Variants in RNF128 observed in about 807,000 individuals in gnomAD.
RNF128 encodes E3 ubiquitin-protein ligase RNF128.
Under a neutral mutation model 26.2 loss-of-function variants are expected in RNF128, and 13 were observed. That is an observed-to-expected ratio of 0.50 (90% CI 0.32 to 0.79). RNF128 has a LOEUF of 0.79. RNF128 is among the 30% of genes least tolerant of loss of function. RNF128 has a pLI of 0.03. For missense variants in RNF128, 315 were observed against 349.7 expected (o/e 0.90, Z 0.79); for synonymous variants, 149 against 142.5 (o/e 1.05, Z -0.32).
chrX:106,757,080 A>G (rs1397446646), intron 1 of RNF128, among the ~76,000 whole-genome samples: 5 of 69,105 alleles, frequency 7.2e-5, no homozygotes, highest in African/African-American at 2.4e-4. Flanking sequence ...AAAGTCAGGA[A>G]ACAACAGGTG....
intron 2 of RNF128, among the ~76,000 whole-genome samples, chrX:106,778,409 A>T (rs1930506632): frequency 8.9e-6 from 1 of 112,232 alleles, no homozygotes. Flanking sequence ...AACACAACAG[A>T]TGCAGTTGCT....
intron 2 of RNF128, among the ~76,000 whole-genome samples, chrX:106,777,273 A>T (rs926653644): frequency 4.5e-5 from 5 of 112,191 alleles, no homozygotes; most frequent in Non-Finnish European, 9.4e-5. Flanking sequence ...TTACTATATT[A>T]AATTGCTCTG....
At chrX:106,740,144 G>A (rs143862200) in intron 1 of RNF128, among the ~76,000 whole-genome samples, 16 of 112,116 alleles carry the variant, frequency 1.4e-4, no homozygotes, top group Non-Finnish European at 2.6e-4. Flanking sequence ...GAGAAGGGGA[G>A]TGTGTAAGCA....
intron 1 of RNF128, among the ~76,000 whole-genome samples, chrX:106,714,849 G>A (rs769452645): frequency 5.4e-5 from 6 of 111,204 alleles, no homozygotes; most frequent in Non-Finnish European, 1.1e-4. Flanking sequence ...ATAATTCTCG[G>A]GAGATTCATC....
intron 5 of RNF128, among the ~76,000 whole-genome samples, chrX:106,790,488 C>A (rs1930803003): frequency 9.0e-6 from 1 of 110,540 alleles, no homozygotes; most frequent in Non-Finnish European, 1.9e-5. Flanking sequence ...CAAATAGACT[C>A]ATTATTTGGT....
chrX:106,701,620 A>G (rs1928958833), intron 1 of RNF128, among the ~76,000 whole-genome samples: 1 of 111,450 alleles, frequency 9.0e-6, no homozygotes, highest in African/African-American at 3.3e-5. Flanking sequence ...ATTTTGGGTT[A>G]TTTTCCAAAT....
chrX:106,730,860 G>C (rs546321893), intron 1 of RNF128, among the ~76,000 whole-genome samples: 55 of 111,671 alleles, frequency 4.9e-4, no homozygotes, highest in African/African-American at 1.7e-3. Context: ...ATGATTTGGG[G>C]GTCTCCAATG....
At chrX:106,725,223 T>C (rs1307152579), upstream of RNF128, among the ~76,000 whole-genome samples, 1 of 111,759 alleles carries the variant, frequency 8.9e-6, no homozygotes, top group Non-Finnish European at 1.9e-5. Context: ...GGGGGTACCA[T>C]GCTATTGGTC....
intron 1 of RNF128, among the ~76,000 whole-genome samples, chrX:106,767,027 G>C (rs927140106): frequency 8.1e-5 from 9 of 111,350 alleles, no homozygotes; most frequent in Admixed American, 2.9e-4. Flanking sequence ...GATGGTTGTA[G>C]ATGTGTGGTA....
chrX:106,745,988 A>G (rs910437026), intron 1 of RNF128, among the ~76,000 whole-genome samples: 1 of 111,512 alleles, frequency 9.0e-6, no homozygotes, highest in Non-Finnish European at 1.9e-5. Context: ...CTGTGGACAA[A>G]ATGAATATTT....
At chrX:106,771,956 T>C (rs770264367) in intron 1 of RNF128, among the ~76,000 whole-genome samples, 7 of 112,352 alleles carry the variant, frequency 6.2e-5, no homozygotes, top group African/African-American at 2.3e-4. Flanking sequence ...GATTAGCACC[T>C]TAACTTAATA....
chrX:106,730,010 T>C (rs1166818517), intron 1 of RNF128, among the ~76,000 whole-genome samples: 2 of 111,962 alleles, frequency 1.8e-5, no homozygotes, highest in Non-Finnish European at 3.8e-5. Context: ...AAAAGCCTTC[T>C]GTATCTTCTT....
chrX:106,701,219 T>G (rs1439278720), intron 1 of RNF128, among the ~76,000 whole-genome samples: 1 of 111,585 alleles, frequency 9.0e-6, no homozygotes, highest in Non-Finnish European at 1.9e-5. Context: ...TCCAATGGTC[T>G]TATTCCATTG....
intron 1 of RNF128, among the ~76,000 whole-genome samples, chrX:106,739,033 A>G (rs191520124): frequency 9.5e-4 from 106 of 111,734 alleles, no homozygotes; most frequent in African/African-American, 3.3e-3. Flanking sequence ...TTGTCTTTCC[A>G]AATACTTAAC....
chrX:106,730,815 A>C (rs1400844385), intron 1 of RNF128, among the ~76,000 whole-genome samples: 1 of 108,299 alleles, frequency 9.2e-6, no homozygotes, highest in Admixed American at 9.9e-5. Context: ...GAGGGCTGTA[A>C]AAAAAAAAAG....
chrX:106,740,051 G>T (rs1929674907), intron 1 of RNF128, among the ~76,000 whole-genome samples: 1 of 111,656 alleles, frequency 9.0e-6, no homozygotes, highest in African/African-American at 3.3e-5. Flanking sequence ...TACCTGAAGA[G>T]AATGCACATA....
intron 1 of RNF128, among the ~76,000 whole-genome samples, chrX:106,703,540 A>C (rs1299856808): frequency 1.8e-5 from 2 of 111,527 alleles, no homozygotes; most frequent in African/African-American, 6.5e-5. Context: ...ATCAGTACAC[A>C]ATACTACCTC....
At chrX:106,714,605 A>T (rs1929183064) in intron 1 of RNF128, among the ~76,000 whole-genome samples, 1 of 111,290 alleles carries the variant, frequency 9.0e-6, no homozygotes, top group Non-Finnish European at 1.9e-5. Flanking sequence ...CAATTTTATC[A>T]CATGTGTAGG....
intron 1 of RNF128, among the ~76,000 whole-genome samples, chrX:106,743,990 A>G (rs937573956): frequency 5.4e-5 from 6 of 110,940 alleles, no homozygotes; most frequent in Non-Finnish European, 1.1e-4. Context: ...ATTCTCAGCA[A>G]ACTATCACAA....
Sources: allele counts gnomAD v4.1 joint callset (sites outside exome capture counted in the v4.1 genomes callset), GRCh38; gene constraint gnomAD v4.1.1; transcripts MANE v1.5; gene names NCBI Gene and HGNC (gene_info 2026-07-23, HGNC 2026-07-21).